AGAP3: variants seen among roughly 807,000 people sequenced by gnomAD.
AGAP3 encodes the protein arf-GAP with GTPase, ANK repeat and PH domain-containing protein 3.
AGAP3 carries 24 observed loss-of-function variants against 96.9 expected under a neutral mutation model. That is an observed-to-expected ratio of 0.25 (90% confidence interval 0.18 to 0.35). AGAP3 has a LOEUF of 0.35. Among genes scored for constraint, AGAP3 ranks in the 10% least tolerant of loss-of-function variants. The pLI is 1.00. For missense variants in AGAP3, 876 were observed against 1,254.2 expected (o/e 0.70, Z 4.55); for synonymous variants, 563 against 536.1 (o/e 1.05, Z -0.69).
rs1405074537 is a variant in AGAP3 at position 151,108,423 on chromosome 7, T to G, written c.332-8370T>G. Among the ~76,000 whole-genome samples the G allele has an allele frequency of 2.0e-5, 3 of 152,068 alleles. No homozygotes were observed. The highest frequency in any genetic ancestry group is 4.4e-5 in the Non-Finnish European group (3 of 68,004). On this transcript the variant is annotated intron_variant, in intron 1 of 17. Coordinates refer to ENST00000397238, the MANE Select transcript of AGAP3 (RefSeq NM_031946.7). This position sits in a 1 kb window ranked among gnomAD's most constrained non-coding sequence, Gnocchi z 4.2. ...CTTGCACTGCTCTCGGTCCTGTGGCTCTCTCTGCCACCCGCACCCCCACCA... is the reference window on the plus strand; with the variant it reads ...CTTGCACTGCTCTCGGTCCTGTGGCGCTCTCTGCCACCCGCACCCCCACCA...
chr7:151,087,105 C>A (rs1055992976), intron 1 of AGAP3, 33 bp downstream of exon 1: 2 of 1,563,066 alleles, frequency 1.3e-6, no homozygotes, highest in Admixed American at 1.9e-5. Context: ...GGAGCCGGGG[C>A]GCAGTGGCCT....
At position 151,108,080 on chromosome 7, in the gene AGAP3, C is replaced by T. The variant is rs560171574; in HGVS notation, c.332-8713C>T. On this transcript the variant is annotated intron_variant, in intron 1 of 17. Transcript: ENST00000397238. This position sits in a 1 kb window ranked among gnomAD's most constrained non-coding sequence, Gnocchi z 4.2. ...CTGCTAGAAAGCAGAGCTAAGCCCA[C>T]AGTTGCTGTTGCTGGTCAGAGCTGG... Among the ~76,000 whole-genome samples the T allele has an allele frequency of 2.6e-5, 4 of 152,248 alleles. No homozygotes were observed. Among genetic ancestry groups the T allele is most frequent in the African/African-American group, 9.6e-5 (4 of 41,466 alleles).
Position 151,142,461 on chromosome 7 carries a change from C to T in AGAP3, c.2100C>T (p.Cys700=). Residue 700 remains cysteine (C), a synonymous_variant, in exon 16 of 18, where the codon TGC becomes TGT. Coordinates refer to ENST00000397238, the MANE Select transcript of AGAP3 (RefSeq NM_031946.7). This position sits in a 1 kb window ranked among gnomAD's most constrained non-coding sequence, Gnocchi z 7.5. ...LNLGALMCIE[C]SGIHRHLGAH... is the part of the protein sequence containing the mutation. ...TGGGTGCCCTGATGTGCATTGAGTGCTCAGGCATCCACCGACACCTGGGGG... is the reference window on the plus strand; with the variant it reads ...TGGGTGCCCTGATGTGCATTGAGTGTTCAGGCATCCACCGACACCTGGGGG... 6.2e-7 allele frequency: 1 copy of T among 1,614,012 alleles called. No homozygotes were observed. Among genetic ancestry groups the T allele is most frequent in the Non-Finnish European group, 8.5e-7 (1 of 1,180,032 alleles).
At chr7:151,115,300 AG>A in intron 1 of AGAP3, 1 of 1,001,364 alleles carries the variant, frequency 1.0e-6, no homozygotes, top group African/African-American at 1.8e-5. Flanking sequence ...CGCGGGCCGG[AG>A]GGGCCCCGGC....
At chr7:151,095,701 C>CAAA (rs35926416) in intron 1 of AGAP3, among the ~76,000 whole-genome samples, 6 of 83,008 alleles carry the variant, frequency 7.2e-5, no homozygotes, top group African/African-American at 1.5e-4. Context: ...CACAGTTGTA[C>CAAA]AAAAAAAAAA....
At chr7:151,086,380 G>T (rs1323480539), upstream of AGAP3, among the ~76,000 whole-genome samples, 53 of 141,054 alleles carry the variant, frequency 3.8e-4, no homozygotes, top group Non-Finnish European at 6.3e-4. Context: ...CGGCGGGGAG[G>T]GGGGCTCGGG....
chr7:151,095,660 G>T (rs1346694102), intron 1 of AGAP3, among the ~76,000 whole-genome samples: 7 of 114,840 alleles, frequency 6.1e-5, no homozygotes, highest in African/African-American at 2.4e-4. Flanking sequence ...AGGAGGTTTT[G>T]GTTAAAGATG....
At chr7:151,138,361 CAGAG>C (rs758780758) in intron 12 of AGAP3, 48 bp downstream of exon 12, 3 of 1,556,262 alleles carry the variant, frequency 1.9e-6, no homozygotes, top group Non-Finnish European at 2.6e-6. Flanking sequence ...GCCCCAGTGA[CAGAG>C]AGGAGGGGAA....
rs1483639119 is a variant in AGAP3 at position 151,134,521 on chromosome 7, A to G, written c.1448A>G (p.Asn483Ser). 3 of 1,612,998 alleles carry G rather than the reference A, an allele frequency of 1.9e-6. No individual in the cohort carries two copies. The highest frequency in any genetic ancestry group is 2.5e-6 in the Non-Finnish European group (3 of 1,179,930). Residue 483 changes from asparagine (N) to serine (S), a missense_variant, in exon 11 of 18, where the codon AAC (asparagine) becomes AGC (serine). Around this residue, in one of 8 missense-constraint regions of AGAP3, gnomAD observed 63 missense variants for 114.5 expected, o/e 0.55. Coordinates refer to ENST00000397238, the MANE Select transcript of AGAP3 (RefSeq NM_031946.7). Reference sequence around the variant, plus strand: ...GCCCCGGGCACCAGCCCCCGTGCCAACGGGCTGTCCGTGGAGCGGAGTAAC... The same window carrying G: ...GCCCCGGGCACCAGCCCCCGTGCCAGCGGGCTGTCCGTGGAGCGGAGTAAC... The part of the protein sequence containing the change: ...ATAPGTSPRA[N>S]GLSVERSNTQ...
At chr7:151,098,654 AAAAT>A (rs1365527409) in intron 1 of AGAP3, among the ~76,000 whole-genome samples, 3 of 152,164 alleles carry the variant, frequency 2.0e-5, no homozygotes, top group Admixed American at 2.0e-4. Context: ...AGTCTGTTTA[AAAAT>A]AAATAAATAA....
chr7:151,102,336 C>G (rs895544991), intron 1 of AGAP3, among the ~76,000 whole-genome samples: 1 of 152,192 alleles, frequency 6.6e-6, no homozygotes, highest in African/African-American at 2.4e-5. Flanking sequence ...TGTTTTCAAA[C>G]TACTCAAACG....
rs1800519152 is a variant in AGAP3, at chr7:151,134,528, G to A, written c.1455G>A (p.Leu485=). ...GCACCAGCCCCCGTGCCAACGGGCT[G>A]TCCGTGGAGCGGAGTAACACACAGC... ...APGTSPRANG[L]SVERSNTQLG... Residue 485 remains leucine, a synonymous_variant, in exon 11 of 18, where the codon CTG becomes CTA. Coordinates refer to ENST00000397238, the MANE Select transcript of AGAP3 (RefSeq NM_031946.7). 1 of 1,612,898 alleles carries A rather than the reference G, an allele frequency of 6.2e-7. No homozygotes were observed. Among genetic ancestry groups the A allele is most frequent in the African/African-American group, 1.3e-5 (1 of 74,928 alleles).
intron 8 of AGAP3, chr7:151,120,441 C>T: frequency 1.5e-6 from 1 of 671,290 alleles, no homozygotes; most frequent in Non-Finnish European, 2.7e-6. Context: ...TCTCCTAGGC[C>T]CCTTTAGGGT....
chr7:151,104,377 A>G (rs1798955242), intron 1 of AGAP3, among the ~76,000 whole-genome samples: 1 of 152,240 alleles, frequency 6.6e-6, no homozygotes, highest in African/African-American at 2.4e-5. Context: ...GACCTCTTGC[A>G]GTGCACATGT....
intron 10 of AGAP3, among the ~76,000 whole-genome samples, chr7:151,131,522 CGGAG>C (rs1563511230): frequency 6.6e-6 from 1 of 152,184 alleles, no homozygotes; most frequent in African/African-American, 2.4e-5. Context: ...GTTCTGCTGA[CGGAG>C]GGAAACGCTG....
Position 151,143,955 on chromosome 7 carries a change from A to C in AGAP3, c.*12A>C. 2 of 1,612,218 alleles carry C rather than the reference A, an allele frequency of 1.2e-6. No homozygotes were observed. The highest frequency in any genetic ancestry group is 1.7e-6 in the Non-Finnish European group (2 of 1,178,670). ...CTAGCCTCCTATAAGGCCCAGGAAG[A>C]GGGCAGAGGGGCCAGAAGGACTCCA... On this transcript the variant is annotated 3_prime_UTR_variant, in exon 18 of 18. Coordinates refer to ENST00000397238, the MANE Select transcript of AGAP3 (RefSeq NM_031946.7). The surrounding 1 kb of genome is among the most constrained non-coding windows in gnomAD (Gnocchi z 5.9).
chr7:151,101,231 C>T (rs2030783187), intron 1 of AGAP3, among the ~76,000 whole-genome samples: 1 of 152,238 alleles, frequency 6.6e-6, no homozygotes, highest in African/African-American at 2.4e-5. Context: ...GTCCACAGGG[C>T]CCCTCCTGGG....
intron 10 of AGAP3, among the ~76,000 whole-genome samples, 180 bp downstream of exon 10, chr7:151,128,864 C>T (rs1800288928): frequency 1.3e-5 from 2 of 152,338 alleles, no homozygotes; most frequent in Admixed American, 6.5e-5. Flanking sequence ...CAAGACCCGG[C>T]TGGCCCCTCC....
chr7:151,096,455 G>A lies in AGAP3; in HGVS notation c.331+9383G>A, dbSNP rs574742894. On this transcript the variant is annotated intron_variant, in intron 1 of 17. Coordinates refer to ENST00000397238, the MANE Select transcript of AGAP3 (RefSeq NM_031946.7). This position sits in a 1 kb window ranked among gnomAD's most constrained non-coding sequence, Gnocchi z 4.4. Reference sequence around the variant, plus strand: ...TGCAGTAGACATGGGCGAGTCACACGTGTGAACTTAAATTTTCTTTTCTTT... The same window carrying A: ...TGCAGTAGACATGGGCGAGTCACACATGTGAACTTAAATTTTCTTTTCTTT... Among the ~76,000 whole-genome samples, 1 of 152,030 alleles carries A rather than the reference G, an allele frequency of 6.6e-6. No homozygotes were observed. Among genetic ancestry groups the A allele is most frequent in the African/African-American group, 2.4e-5 (1 of 41,412 alleles).
Sources: allele counts gnomAD v4.1 joint callset (sites outside exome capture counted in the v4.1 genomes callset), GRCh38; gene constraint gnomAD v4.1.1; regional missense constraint gnomAD v4.1.1; non-coding constraint Gnocchi (gnomAD v3.1); transcripts MANE v1.5; gene names NCBI Gene and HGNC (gene_info 2026-07-23, HGNC 2026-07-21).